The following COG5 variants were observed in gnomAD, a reference collection of about 807,000 sequenced individuals.
The protein encoded by COG5 is conserved oligomeric Golgi complex subunit 5.
Under a neutral mutation model 110.4 loss-of-function variants are expected in COG5, and 86 were observed. The ratio of observed to expected loss-of-function variants is 0.78; its 90% CI spans 0.65 to 0.93. The LOEUF (loss-of-function observed/expected upper bound fraction) is 0.93. Ranked by LOEUF, COG5 falls within the 40% of genes least tolerant of loss-of-function variation. The probability of loss-of-function intolerance (pLI) is 0.00; values close to 1 mark genes in which losing one functional copy is unlikely to be tolerated. For missense variants in COG5, 1,077 were observed against 987.0 expected, an observed-to-expected ratio of 1.09 and a Z score of -1.22; for synonymous variants, 360 against 334.6, an observed-to-expected ratio of 1.08 and a Z score of -0.83.
intron 6 of COG5, among the ~76,000 whole-genome samples, chr7:107,493,106 G>A (rs1255869502): frequency 6.6e-6 from 1 of 152,146 alleles, no homozygotes; most frequent in Non-Finnish European, 1.5e-5. Flanking sequence ...GTTTGCAGGA[G>A]TGGGTTCTCT....
intron 17 of COG5, among the ~76,000 whole-genome samples, chr7:107,238,589 A>G (rs1031341973): frequency 6.6e-6 from 1 of 152,156 alleles, no homozygotes; most frequent in Non-Finnish European, 1.5e-5. Flanking sequence ...GTTTTCCATA[A>G]TGGCTGCCTA....
chr7:107,320,056 C>T (rs375373712), intron 11 of COG5, among the ~76,000 whole-genome samples: 1 of 152,044 alleles, frequency 6.6e-6, no homozygotes, highest in African/African-American at 2.4e-5. Flanking sequence ...TAGAGTGTGA[C>T]ATGTTGGAAA....
At chr7:107,256,476 C>A (rs993864563) in intron 16 of COG5, among the ~76,000 whole-genome samples, 5 of 152,088 alleles carry the variant, frequency 3.3e-5, no homozygotes, top group Non-Finnish European at 5.9e-5. Flanking sequence ...TAGATAAATA[C>A]ATGTAAGACT....
intron 6 of COG5, among the ~76,000 whole-genome samples, chr7:107,440,964 CA>C (rs1356687149): frequency 6.6e-6 from 1 of 151,988 alleles, no homozygotes; most frequent in East Asian, 1.9e-4. Flanking sequence ...AAAGAATTAT[CA>C]ATCCCAGGCC....
intron 6 of COG5, among the ~76,000 whole-genome samples, chr7:107,458,865 G>A (rs1795818757): frequency 1.3e-5 from 2 of 151,398 alleles, no homozygotes; most frequent in South Asian, 4.2e-4. Context: ...TGTATTTCAT[G>A]TACATTATAT....
At chr7:107,496,575 G>A (rs539146999) in intron 6 of COG5, among the ~76,000 whole-genome samples, 23 of 151,182 alleles carry the variant, frequency 1.5e-4, no homozygotes, top group East Asian at 3.9e-4. Flanking sequence ...CATGAGAACC[G>A]CTTGAACCCA....
intron 6 of COG5, among the ~76,000 whole-genome samples, chr7:107,463,987 G>C (rs965153795): frequency 1.3e-5 from 2 of 152,016 alleles, no homozygotes; most frequent in Non-Finnish European, 2.9e-5. Flanking sequence ...ATGGCGAATT[G>C]AGCATCTCTA....
At chr7:107,371,752 G>C (rs981124231) in intron 8 of COG5, among the ~76,000 whole-genome samples, 1 of 152,162 alleles carries the variant, frequency 6.6e-6, no homozygotes, top group Non-Finnish European at 1.5e-5. Flanking sequence ...TGAAGGGAAA[G>C]AGATGCAAAG....
chr7:107,285,772 G>C (rs1260336424), intron 12 of COG5, among the ~76,000 whole-genome samples: 1 of 151,368 alleles, frequency 6.6e-6, no homozygotes, highest in African/African-American at 2.4e-5. Context: ...AGGAGACTGA[G>C]AGAGAATTGC....
intron 14 of COG5, among the ~76,000 whole-genome samples, chr7:107,260,091 T>TATATATATATATATATATATATATATATA (rs1803210418): frequency 6.6e-6 from 1 of 150,684 alleles, no homozygotes; most frequent in Non-Finnish European, 1.5e-5. Flanking sequence ...TATATATATA[T>TATATATATATATATATATATATATATATA]ATGAAATAAA....
intron 10 of COG5, 36 bp downstream of exon 10, chr7:107,361,997 C>T: frequency 7.1e-7 from 1 of 1,407,488 alleles, no homozygotes; most frequent in South Asian, 1.2e-5. Context: ...CTGTTTTGTA[C>T]AAGAAAGATG....
At chr7:107,368,676 A>G (rs1246200236) in intron 8 of COG5, among the ~76,000 whole-genome samples, 1 of 152,192 alleles carries the variant, frequency 6.6e-6, no homozygotes, top group African/African-American at 2.4e-5. Flanking sequence ...TGTATGGACT[A>G]CTTTTCACTG....
chr7:107,372,821 A>G, intron 7 of COG5, 61 bp from the exon 8 acceptor site: 1 of 1,520,464 alleles, frequency 6.6e-7, no homozygotes, highest in South Asian at 1.1e-5. Flanking sequence ...CAAAATCAAC[A>G]TAAATATACA....
At chr7:107,497,413 C>T (rs1266765657) in intron 6 of COG5, among the ~76,000 whole-genome samples, 1 of 152,068 alleles carries the variant, frequency 6.6e-6, no homozygotes, top group Non-Finnish European at 1.5e-5. Flanking sequence ...AAAGACCCCA[C>T]CAAAAAACTA....
At chr7:107,552,288 A>G (rs1802959889) in intron 3 of COG5, among the ~76,000 whole-genome samples, 1 of 152,204 alleles carries the variant, frequency 6.6e-6, no homozygotes, top group Admixed American at 6.5e-5. Context: ...TTAAAAACAT[A>G]ATTAAAACTA....
At chr7:107,293,944 T>C (rs1421447994) in intron 12 of COG5, among the ~76,000 whole-genome samples, 3 of 151,916 alleles carry the variant, frequency 2.0e-5, no homozygotes, top group Non-Finnish European at 4.4e-5. Flanking sequence ...TGGTGGTGTG[T>C]GCCCATAATC....
At chr7:107,325,071 T>A (rs1584679761) in intron 10 of COG5, among the ~76,000 whole-genome samples, 1 of 152,170 alleles carries the variant, frequency 6.6e-6, no homozygotes, top group Non-Finnish European at 1.5e-5. Context: ...AGCCTAGATA[T>A]AGTTTTAAAA....
chr7:107,549,599 T>C (rs1199122063), intron 3 of COG5, among the ~76,000 whole-genome samples: 3 of 151,146 alleles, frequency 2.0e-5, no homozygotes, highest in African/African-American at 7.3e-5. Flanking sequence ...AGATGGGGTT[T>C]CACCATGTTA....
intron 6 of COG5, among the ~76,000 whole-genome samples, chr7:107,478,551 A>C (rs565722610): frequency 6.6e-6 from 1 of 152,164 alleles, no homozygotes; most frequent in East Asian, 1.9e-4. Context: ...CTTATTTATA[A>C]ATTTATGTAT....
Sources: gnomAD v4.1 joint callset for allele counts (sites outside exome capture counted in the v4.1 genomes callset) on GRCh38, gnomAD v4.1.1 for gene constraint, MANE v1.5 for transcripts, NCBI Gene and HGNC (gene_info 2026-07-23, HGNC 2026-07-21) for gene names.